TNK1: variants seen among roughly 807,000 people sequenced by gnomAD.
TNK1 encodes tyrosine kinase non receptor 1, also known as non-receptor tyrosine-protein kinase TNK1.
A neutral mutation model predicts 65.2 loss-of-function variants in TNK1; 53 were observed. The observed-to-expected ratio is 0.81, with a 90% CI of 0.65 to 1.02. TNK1 has a LOEUF of 1.02. TNK1 is among the 50% of genes least tolerant of loss of function. TNK1 has a pLI of 0.00. For synonymous variants in TNK1, 353 were observed against 364.6 expected (o/e 0.97, Z 0.36); for missense variants, 837 against 878.4 (o/e 0.95, Z 0.60).
At chr17:7,381,675 T>G (rs1904820357) in intron 1 of TNK1, among the ~76,000 whole-genome samples, 2 of 152,200 alleles carry the variant, frequency 1.3e-5, no homozygotes, top group African/African-American at 2.4e-5. Flanking sequence ...TGATTTGATT[T>G]CAAATGTTGC....
rs752951457 is a variant in TNK1, at chr17:7,387,375, C to T, written c.1398-3C>T. ...GAGGATGAACTGGATCCCTCTCCGACAGAGACAGAAAGAAGGCAAATCTTT... is the reference window on the plus strand; with the variant it reads ...GAGGATGAACTGGATCCCTCTCCGATAGAGACAGAAAGAAGGCAAATCTTT... On this transcript the variant is annotated splice_polypyrimidine_tract_variant and splice_region_variant and intron_variant, in intron 9 of 12. Transcript: ENST00000688331. 14 of 1,602,064 alleles carry T rather than the reference C, an allele frequency of 8.7e-6. No homozygotes were observed. Among genetic ancestry groups the T allele is most frequent in the Non-Finnish European group, 1.1e-5 (13 of 1,174,584 alleles).
upstream of TNK1, chr17:7,380,686 T>C (rs184051446): frequency 2.0e-5 from 3 of 152,418 alleles, no homozygotes; most frequent in East Asian, 5.8e-4. Flanking sequence ...TGTGTCCTAT[T>C]TAGCCTTATA....
chr17:7,384,734 C>A lies in TNK1; in HGVS notation c.1117C>A (p.Leu373Met). The change falls in exon 7 of 13, where the codon CTG becomes ATG. Residue 373 changes from leucine to methionine, a missense_variant. By Grantham distance (15) the Leu-to-Met change is conservative. Coordinates refer to ENST00000688331, the MANE Select transcript of TNK1 (RefSeq NM_003985.6). ...TGCCGACCGGCCTAGCTTTTCCCAC[C>A]TGGAGGGGCTGCTGCAAGAGGTGGG... ...HPADRPSFSH[L>M]EGLLQEAGPS... 6.3e-7 allele frequency: 1 copy of A among 1,580,640 alleles called. No homozygotes were observed. Among genetic ancestry groups the A allele is most frequent in the Non-Finnish European group, 8.6e-7 (1 of 1,168,648 alleles).
intron 10 of TNK1, 28 bp downstream of exon 10, chr17:7,387,485 G>T: frequency 6.4e-7 from 1 of 1,562,232 alleles, no homozygotes; most frequent in Non-Finnish European, 8.7e-7. Flanking sequence ...CAGAGTCTCT[G>T]AGGAGATCAA....
At position 7,386,998 on chromosome 17, in the gene TNK1, C is replaced by T; in HGVS notation, c.1241C>T (p.Ser414Phe). Reference sequence around the variant, plus strand: ...AGCTCCTCTTTCCACAGCCCCGACTCCACAATCTGGAAGGGCCAGAATGGT... The same window carrying T: ...AGCTCCTCTTTCCACAGCCCCGACTTCACAATCTGGAAGGGCCAGAATGGT... ...PITVIEGSPD[S>F]TIWKGQNGRT... is the part of the protein sequence containing the mutation. The change falls in exon 9 of 13, where the codon TCC becomes TTC. Residue 414 changes from serine to phenylalanine, a missense_variant. By Grantham distance (155) the Ser-to-Phe change is radical (BLOSUM62 -2). Transcript: ENST00000688331. 1 of 1,569,820 alleles carries T rather than the reference C, an allele frequency of 6.4e-7. No homozygotes were observed. The highest frequency in any genetic ancestry group is 8.6e-7 in the Non-Finnish European group (1 of 1,157,294).
At chr17:7,387,502 T>C (rs968580) in intron 10 of TNK1, 45 bp downstream of exon 10, 724,555 of 1,505,498 alleles carry the variant, frequency 0.48, 178,685 homozygotes, top group Middle Eastern at 0.64. Flanking sequence ...TCAAGACCAG[T>C]CCTTCAATTC....
At position 7,382,855 on chromosome 17, in the gene TNK1, C is replaced by A. The variant is rs1280776447; in HGVS notation, c.-72C>A. ...TTGCAGGTGGAGCTGGAGACCTGGT[C>A]TCTCTAGGGCCTACCCTGAGCTCAC... is the stretch of plus-strand genomic sequence containing the variant. On this transcript the variant is annotated 5_prime_UTR_variant, in exon 2 of 13. Transcript: ENST00000688331. The surrounding 1 kb of genome is among the most constrained non-coding windows in gnomAD (Gnocchi z 4.1). The A allele has an allele frequency of 2.0e-6, 3 of 1,527,782 alleles. No individual in the cohort carries two copies. Among genetic ancestry groups the A allele is most frequent in the Non-Finnish European group, 2.7e-6 (3 of 1,127,942 alleles). 94.6% of individuals were successfully genotyped at this position (1,527,782 alleles called of 1,614,324 possible). A position where few individuals can be genotyped will look rare whatever the true frequency, so the allele number is the denominator to read the frequency against.
At chr17:7,386,727 C>T in intron 8 of TNK1, 72 bp downstream of exon 8, 1 of 1,322,554 alleles carries the variant, frequency 7.6e-7, no homozygotes, top group Non-Finnish European at 1.1e-6. Context: ...GATCCCTTCT[C>T]TGCTTCTCTC....
chr17:7,386,636 A>G lies in TNK1; in HGVS notation c.1213A>G (p.Ile405Val). 1 of 1,594,524 alleles carries G rather than the reference A, an allele frequency of 6.3e-7. No individual in the cohort carries two copies. Among genetic ancestry groups the G allele is most frequent in the Non-Finnish European group, 8.5e-7 (1 of 1,170,530 alleles). Residue 405 changes from isoleucine to valine, a missense_variant, in exon 8 of 13, where the codon ATC becomes GTC. Coordinates refer to ENST00000688331, the MANE Select transcript of TNK1 (RefSeq NM_003985.6). ...GALRMETGDP[I>V]TVIEGSPDST... ...CCTGAGGATGGAGACTGGTGACCCC[A>G]TCACAGTCATCGAGGGCAGGTGACA...
intron 6 of TNK1, 94 bp from the exon 7 acceptor site, chr17:7,384,390 T>C (rs1379766565): frequency 2.1e-6 from 3 of 1,443,240 alleles, no homozygotes; most frequent in Non-Finnish European, 2.7e-6. Context: ...AAGAGGACTT[T>C]TGTGAAAGAT....
In TNK1 at chr17:7,388,931, G is replaced by A. The variant is rs764371092; in HGVS notation, c.1873-40G>A. The A allele has an allele frequency of 3.2e-5, 50 of 1,558,088 alleles. 1 individual carries two copies. Among genetic ancestry groups the A allele is most frequent in the East Asian group, 4.8e-5 (2 of 41,516 alleles). On this transcript the variant is annotated intron_variant, in intron 12 of 12. Transcript: ENST00000688331. This position sits in a 1 kb window ranked among gnomAD's most constrained non-coding sequence, Gnocchi z 4.5. ...GGGTCCCTCCTCTCCTGCCCCTGCC[G>A]CCTGGCAGTCAGCTGCAACCCACCC...
intron 5 of TNK1, 31 bp downstream of exon 5, chr17:7,383,895 C>A (rs774534749): frequency 1.3e-6 from 2 of 1,591,896 alleles, no homozygotes; most frequent in Non-Finnish European, 1.7e-6. Context: ...GTTCCCGGGA[C>A]AGCCGTGCGG....
rs1904895740 is a variant in TNK1, at chr17:7,382,822, C to T, written c.-91-14C>T. ...TCCCTGCCTCTGTACCTGAGTGTTTCTAATGACTTGCAGGTGGAGCTGGAG... is the reference window on the plus strand; with the variant it reads ...TCCCTGCCTCTGTACCTGAGTGTTTTTAATGACTTGCAGGTGGAGCTGGAG... On this transcript the variant is annotated splice_polypyrimidine_tract_variant and intron_variant, in intron 1 of 12. Transcript: ENST00000688331. The surrounding 1 kb of genome is among the most constrained non-coding windows in gnomAD (Gnocchi z 4.1). 3 of 1,269,938 alleles carry T rather than the reference C, an allele frequency of 2.4e-6. No homozygotes were observed. The highest frequency in any genetic ancestry group is 3.0e-5 in the African/African-American group (2 of 67,484). The allele number at this position is 1,269,938 out of a possible 1,614,324, so 78.7% of individuals were successfully genotyped here. A position where few individuals can be genotyped will look rare whatever the true frequency, so the allele number is the denominator to read the frequency against.
intron 6 of TNK1, 67 bp from the exon 7 acceptor site, chr17:7,384,417 G>A: frequency 6.9e-7 from 1 of 1,456,434 alleles, no homozygotes; most frequent in Non-Finnish European, 9.1e-7. Context: ...ACTCGGGGGT[G>A]CTCCGTGGAG....
rs4796413 is a variant in TNK1 at position 7,382,037 on chromosome 17, G to T, written c.-91-799G>T. On this transcript the variant is annotated intron_variant, in intron 1 of 12. Coordinates refer to ENST00000688331, the MANE Select transcript of TNK1 (RefSeq NM_003985.6). The surrounding 1 kb of genome is among the most constrained non-coding windows in gnomAD (Gnocchi z 4.1). ...AATCCCAGCACTTTGGGTGGCCGAG[G>T]CGGGCGGATCACGAGGTCAGGAGTT... Among the ~76,000 whole-genome samples the T allele has an allele frequency of 0.098, 14,940 of 152,254 alleles. 1,134 individuals carry two copies. The highest frequency in any genetic ancestry group is 0.34 in the East Asian group (1,749 of 5,160).
At chr17:7,386,826 C>CCA in intron 8 of TNK1, 164 bp from the exon 9 acceptor site, 5 of 1,130,672 alleles carry the variant, frequency 4.4e-6, no homozygotes, top group Non-Finnish European at 6.2e-6. Context: ...CCTGCTGGAG[C>CCA]CACTGCTGGC....
At chr17:7,383,673 C>T in intron 4 of TNK1, 36 bp from the exon 5 acceptor site, 1 of 1,602,842 alleles carries the variant, frequency 6.2e-7, no homozygotes, top group African/African-American at 1.3e-5. Flanking sequence ...GTTCTTCATG[C>T]CCGCAATGCC....
chr17:7,383,782 G>T lies in TNK1; in HGVS notation c.500G>T (p.Arg167Leu), dbSNP rs1904988728. The T allele has an allele frequency of 6.2e-7, 1 of 1,613,080 alleles. No individual in the cohort carries two copies. Among genetic ancestry groups the T allele is most frequent in the East Asian group, 2.2e-5 (1 of 44,834 alleles). The change falls in exon 5 of 13, where the codon CGA becomes CTA. Residue 167 changes from arginine to leucine, a missense_variant. Arg to Leu is a moderately radical substitution (Grantham distance 102). Coordinates refer to ENST00000688331, the MANE Select transcript of TNK1 (RefSeq NM_003985.6). Reference protein sequence around the residue: ...PMGTELGDFLREVSVMMNLEH... With the variant: ...PMGTELGDFLLEVSVMMNLEH... ...GGCACAGAACTGGGGGACTTCCTGCGAGAGGTATCGGTCATGATGAACTTG... is the reference window on the plus strand; with the variant it reads ...GGCACAGAACTGGGGGACTTCCTGCTAGAGGTATCGGTCATGATGAACTTG...
chr17:7,384,405 G>T (rs1449262499), intron 6 of TNK1, 79 bp from the exon 7 acceptor site: 1 of 1,447,472 alleles, frequency 6.9e-7, no homozygotes, highest in African/African-American at 1.4e-5. Context: ...AAAGATGGGT[G>T]CACTCGGGGG....
Sources: gnomAD v4.1 joint callset for allele counts (sites outside exome capture counted in the v4.1 genomes callset) on GRCh38, gnomAD v4.1.1 for gene constraint, Gnocchi (gnomAD v3.1) non-coding constraint, MANE v1.5 for transcripts, NCBI Gene and HGNC (gene_info 2026-07-23, HGNC 2026-07-21) for gene names.